The following PALLD variants were observed in gnomAD, a reference collection of about 807,000 sequenced individuals.
The protein encoded by PALLD is palladin, cytoskeletal associated protein, also known as palladin.
Under a neutral mutation model 123.5 loss-of-function variants are expected in PALLD, and 61 were observed. The ratio of observed to expected loss-of-function variants is 0.49; its 90% CI spans 0.40 to 0.61. PALLD has a LOEUF of 0.61. Ranked by LOEUF, PALLD falls within the 20% of genes least tolerant of loss-of-function variation. The probability of loss-of-function intolerance (pLI) is 0.00; values close to 1 mark genes in which losing one functional copy is unlikely to be tolerated. For synonymous variants in PALLD, 465 were observed against 496.4 expected, an observed-to-expected ratio of 0.94 and a Z score of 0.84; for missense variants, 1,273 against 1,377.0, an observed-to-expected ratio of 0.92 and a Z score of 1.20.
chr4:168,834,416 T>A (rs897421465), intron 10 of PALLD, among the ~76,000 whole-genome samples: 1 of 152,102 alleles, frequency 6.6e-6, no homozygotes, highest in East Asian at 1.9e-4. Context: ...GAGCTCTAGA[T>A]AGTTTTTAGT....
rs1762707110 is a variant in PALLD at position 168,927,461 on chromosome 4, T to TA, written c.*1281_*1282insA. 4.3e-6 allele frequency: 1 copy of TA among 232,680 alleles called. No homozygotes were observed. 14.4% of individuals were successfully genotyped at this position (232,680 alleles called of 1,614,324 possible). A position where few individuals can be genotyped will look rare whatever the true frequency, so the allele number is the denominator to read the frequency against. ...GAGGTTTGTGTAGTAGTGGAAGATTTTAGGTATGTAGAGCAAGTTGAAAAT... is the reference window on the plus strand; with the variant it reads ...GAGGTTTGTGTAGTAGTGGAAGATTTATAGGTATGTAGAGCAAGTTGAAAAT... On this transcript the variant is annotated 3_prime_UTR_variant, in exon 22 of 22. Transcript: ENST00000505667.
At chr4:168,681,222 G>T in intron 3 of PALLD, 110 bp from the exon 4 acceptor site, 2 of 712,512 alleles carry the variant, frequency 2.8e-6, no homozygotes, top group East Asian at 2.8e-5. Flanking sequence ...TGTGTGTTTC[G>T]GTCAAAAAGA....
At chr4:168,588,410 T>TC (rs1771059480) in intron 2 of PALLD, among the ~76,000 whole-genome samples, 1 of 148,884 alleles carries the variant, frequency 6.7e-6, no homozygotes, top group Non-Finnish European at 1.5e-5. Flanking sequence ...AGATACTTTT[T>TC]ATTTTTTTTT....
In PALLD at chr4:168,924,368, A is replaced by G; in HGVS notation, c.3172A>G (p.Ile1058Val). The G allele has an allele frequency of 6.2e-7, 1 of 1,614,014 alleles. No homozygotes were observed. The highest frequency in any genetic ancestry group is 8.5e-7 in the Non-Finnish European group (1 of 1,179,916). Residue 1058 changes from isoleucine (I) to valine (V), a missense_variant, in exon 19 of 22, where the codon ATA becomes GTA. By Grantham distance (29) the Ile-to-Val change is conservative (BLOSUM62 3). Around this residue, in one of 2 missense-constraint regions of PALLD, gnomAD observed 329 missense variants for 422.5 expected, o/e 0.78. Transcript: ENST00000505667. Reference sequence around the variant, plus strand: ...TGTATTGGGAGTGCCACCACCTCAGATATTTTGGAAGAAAGAAAATGAATC... The same window carrying G: ...TGTATTGGGAGTGCCACCACCTCAGGTATTTTGGAAGAAAGAAAATGAATC... ...CRVLGVPPPQ[I>V]FWKKENESLT...
intron 2 of PALLD, among the ~76,000 whole-genome samples, chr4:168,533,301 C>T (rs182936929): frequency 1.8e-3 from 270 of 152,168 alleles, no homozygotes; most frequent in Middle Eastern, 6.8e-3. Flanking sequence ...AGAGACTAGA[C>T]GCTGTTACCT....
intron 2 of PALLD, among the ~76,000 whole-genome samples, chr4:168,569,048 G>A (rs1321231070): frequency 6.6e-6 from 1 of 152,078 alleles, no homozygotes; most frequent in Non-Finnish European, 1.5e-5. Flanking sequence ...TGCAACAGCT[G>A]TTAAAATTCG....
At chr4:168,752,191 G>C (rs983599841) in intron 10 of PALLD, among the ~76,000 whole-genome samples, 1 of 152,210 alleles carries the variant, frequency 6.6e-6, no homozygotes, top group African/African-American at 2.4e-5. Flanking sequence ...TGAGCAACAT[G>C]GTGCAACTCT....
At chr4:168,778,574 G>T (rs1248028200) in intron 10 of PALLD, among the ~76,000 whole-genome samples, 1 of 152,114 alleles carries the variant, frequency 6.6e-6, no homozygotes, top group African/African-American at 2.4e-5. Context: ...AGGGTGTCTA[G>T]CACATAGTAG....
At chr4:168,593,440 A>AAAAAAAAAAAAAAAAAAAAAG (rs1554047277) in intron 2 of PALLD, among the ~76,000 whole-genome samples, 3 of 140,838 alleles carry the variant, frequency 2.1e-5, no homozygotes, top group African/African-American at 5.5e-5. Context: ...ACCAGGCAAA[A>AAAAAAAAAAAAAAAAAAAAAG]AAAAAAGAAA....
chr4:168,540,939 A>G (rs1765549303), intron 2 of PALLD, among the ~76,000 whole-genome samples: 1 of 152,244 alleles, frequency 6.6e-6, no homozygotes, highest in East Asian at 1.9e-4. Context: ...TTCATCTCTC[A>G]TTGCATTTTT....
chr4:168,517,783 T>C (rs1026380695), intron 2 of PALLD, among the ~76,000 whole-genome samples: 1 of 152,200 alleles, frequency 6.6e-6, no homozygotes, highest in African/African-American at 2.4e-5. Context: ...AGTATCGTTG[T>C]TGTTAAAGAA....
intron 10 of PALLD, among the ~76,000 whole-genome samples, chr4:168,802,693 C>T (rs528505260): frequency 1.1e-3 from 159 of 151,196 alleles, no homozygotes; most frequent in African/African-American, 3.7e-3. Context: ...ATCTACATTA[C>T]ATTTTTTTTT....
chr4:168,536,593 C>T (rs1986369), intron 2 of PALLD: 37,731 of 151,086 alleles, frequency 0.25, 6,399 homozygotes, highest in African/African-American at 0.5. Flanking sequence ...TTCCACACAA[C>T]GCAGCACAAG....
rs577698341 is a variant in PALLD, at chr4:168,678,303, A to G, written c.1088-3029A>G. 1.4e-4 allele frequency among the ~76,000 whole-genome samples: 21 copies of G among 152,292 alleles called. No homozygotes were observed. The South Asian group carries it at 4.3e-3, about 32-fold the overall frequency. On this transcript the variant is annotated intron_variant, in intron 3 of 21. Coordinates refer to ENST00000505667, the MANE Select transcript of PALLD (RefSeq NM_001166108.2). ...AGTGAGGTTCATTATGATGATGATT[A>G]AATGAGGTAAAGTGCCCAGCAGACG... is the stretch of plus-strand genomic sequence containing the variant.
At chr4:168,636,417 C>T (rs1028390545) in intron 2 of PALLD, among the ~76,000 whole-genome samples, 2 of 152,160 alleles carry the variant, frequency 1.3e-5, no homozygotes, top group African/African-American at 4.8e-5. Flanking sequence ...CTCAGAAATT[C>T]GAGGCTGCAG....
chr4:168,558,981 A>G (rs1767596887), intron 2 of PALLD, among the ~76,000 whole-genome samples: 1 of 152,232 alleles, frequency 6.6e-6, no homozygotes, highest in South Asian at 2.1e-4. Context: ...AGGTTATTAC[A>G]GGACTAGGTT....
chr4:168,860,437 AAG>A (rs1749293184), intron 10 of PALLD, among the ~76,000 whole-genome samples: 1 of 152,188 alleles, frequency 6.6e-6, no homozygotes, highest in African/African-American at 2.4e-5. Flanking sequence ...AAGATAGTAA[AAG>A]AGAGATGGGA....
chr4:168,698,724 A>G (rs1783397425), intron 8 of PALLD, among the ~76,000 whole-genome samples: 1 of 152,072 alleles, frequency 6.6e-6, no homozygotes, highest in South Asian at 2.1e-4. Context: ...TTGATGGCCC[A>G]AGATGGTTCT....
At chr4:168,721,331 G>A (rs528274281) in intron 10 of PALLD, among the ~76,000 whole-genome samples, 140 of 152,142 alleles carry the variant, frequency 9.2e-4, no homozygotes, top group African/African-American at 1.9e-3. Context: ...GAGATAAGAT[G>A]GAGCCACATA....
Sources: gnomAD v4.1 joint callset for allele counts (sites outside exome capture counted in the v4.1 genomes callset) on GRCh38, gnomAD v4.1.1 for gene constraint, gnomAD v4.1.1 regional missense constraint, MANE v1.5 for transcripts, NCBI Gene and HGNC (gene_info 2026-07-23, HGNC 2026-07-21) for gene names.